Variants in PTPRD observed in about 807,000 individuals in gnomAD.
PTPRD encodes the protein receptor-type tyrosine-protein phosphatase delta.
A neutral mutation model predicts 214.5 loss-of-function variants in PTPRD; 34 were observed. The ratio of observed to expected loss-of-function variants is 0.16; its 90% CI spans 0.12 to 0.21. The LOEUF (loss-of-function observed/expected upper bound fraction) is 0.21, where lower values mean the gene tolerates loss of function less well. Ranked by LOEUF, PTPRD falls within the 10% of genes least tolerant of loss-of-function variation. The pLI is 1.00. For synonymous variants in PTPRD, 1,128 were observed against 845.7 expected (o/e 1.33, Z -5.79); for missense variants, 2,545 against 2,398.7 (o/e 1.06, Z -1.27).
chr9:9,871,740 C>T lies in PTPRD; in HGVS notation c.-368+66767G>A, dbSNP rs964351039. ...CTCTTTGGACCCTAAGATTATCTTC[C>T]GGAAAGGGGCCTGGGAGGAGAAGCT... On this transcript the variant is annotated intron_variant, in intron 5 of 45. Coordinates refer to ENST00000381196, the MANE Select transcript of PTPRD (RefSeq NM_002839.4). 1.4e-4 allele frequency among the ~76,000 whole-genome samples: 18 copies of T among 133,262 alleles called. 1 individual carries two copies. Among genetic ancestry groups the T allele is most frequent in the African/African-American group, 4.3e-4 (15 of 34,694 alleles). The allele number at this position is 133,262 out of a possible 152,430, so 87.4% of individuals were successfully genotyped here.
chr9:8,861,712 A>T (rs1223647224), intron 11 of PTPRD: 1 of 152,206 alleles, frequency 6.6e-6, no homozygotes, highest in Non-Finnish European at 1.5e-5. Flanking sequence ...TATGGAATAA[A>T]TTGTTGCTAA....
At chr9:9,671,324 C>G (rs1453607395) in intron 7 of PTPRD, among the ~76,000 whole-genome samples, 1 of 152,108 alleles carries the variant, frequency 6.6e-6, no homozygotes, top group African/African-American at 2.4e-5. Flanking sequence ...TACCTGTATT[C>G]CCATTGTATC....
chr9:10,344,984 C>G, intron 2 of PTPRD, among the ~76,000 whole-genome samples: 1 of 152,136 alleles, frequency 6.6e-6, no homozygotes, highest in South Asian at 2.1e-4. Context: ...TCCTATTATA[C>G]TATAATAATG....
chr9:9,044,848 A>G (rs1252505413), intron 10 of PTPRD, among the ~76,000 whole-genome samples: 1 of 152,166 alleles, frequency 6.6e-6, no homozygotes, highest in African/African-American at 2.4e-5. Context: ...GAGAGAACCA[A>G]TGAAATAGTT....
intron 10 of PTPRD, among the ~76,000 whole-genome samples, chr9:9,050,763 A>T (rs1376129060): frequency 5.3e-5 from 8 of 152,072 alleles, no homozygotes; most frequent in Non-Finnish European, 1.2e-4. Context: ...TCAAGCACTC[A>T]TTTTATCTTT....
intron 2 of PTPRD, among the ~76,000 whole-genome samples, chr9:10,422,468 T>A (rs569355527): frequency 2.0e-5 from 3 of 151,944 alleles, no homozygotes; most frequent in Non-Finnish European, 4.4e-5. Flanking sequence ...TGGGATCTAA[T>A]TAAACTAAGA....
At position 8,507,355 on chromosome 9, in the gene PTPRD, T is replaced by C. The variant is rs781599124; in HGVS notation, c.1623A>G (p.Ser541=). 6.2e-7 allele frequency: 1 copy of C among 1,614,054 alleles called. No individual in the cohort carries two copies. Among genetic ancestry groups the C allele is most frequent in the Non-Finnish European group, 8.5e-7 (1 of 1,179,892 alleles). ...CCAGTTCATAGTTGGCAATGGTATC[T>C]GAACGTGGAGGTGTCCAAGAGAGCA... The part of the protein sequence containing the change: ...SILLSWTPPR[S]DTIANYELVY... Residue 541 remains serine, a synonymous_variant, in exon 22 of 46, where the codon TCA becomes TCG. Transcript: ENST00000381196.
intron 3 of PTPRD, among the ~76,000 whole-genome samples, chr9:10,288,451 A>G (rs1202131362): frequency 2.0e-5 from 3 of 152,214 alleles, no homozygotes; most frequent in Non-Finnish European, 1.5e-5. Flanking sequence ...TAAAGAAACA[A>G]TACAACTTAG....
chr9:10,477,460 T>C (rs1160935060), intron 2 of PTPRD, among the ~76,000 whole-genome samples: 1 of 152,048 alleles, frequency 6.6e-6, no homozygotes, highest in African/African-American at 2.4e-5. Flanking sequence ...AGAATGGTGA[T>C]CATTAAAAAG....
At chr9:9,728,040 G>C (rs1445683038) in intron 7 of PTPRD, among the ~76,000 whole-genome samples, 1 of 152,136 alleles carries the variant, frequency 6.6e-6, no homozygotes, top group Non-Finnish European at 1.5e-5. Context: ...TACAGTTCTT[G>C]TGGTAGTGAA....
chr9:9,031,790 G>A (rs890350130), intron 10 of PTPRD, among the ~76,000 whole-genome samples: 26 of 151,950 alleles, frequency 1.7e-4, no homozygotes, highest in Admixed American at 1.6e-3. Context: ...GGAGTTAGGT[G>A]AAAGAACAAA....
intron 8 of PTPRD, among the ~76,000 whole-genome samples, chr9:9,539,110 G>A (rs918272224): frequency 2.6e-5 from 4 of 151,868 alleles, no homozygotes; most frequent in African/African-American, 7.2e-5. Context: ...ACAGGGTGAT[G>A]TAATAAAATA....
At chr9:10,003,990 G>A (rs1248710373) in intron 4 of PTPRD, among the ~76,000 whole-genome samples, 1 of 151,746 alleles carries the variant, frequency 6.6e-6, no homozygotes, top group Non-Finnish European at 1.5e-5. Context: ...AAAAAGATTG[G>A]AATTGAGAAA....
intron 4 of PTPRD, among the ~76,000 whole-genome samples, chr9:9,973,351 C>T (rs944385457): frequency 2.0e-5 from 3 of 150,486 alleles, no homozygotes; most frequent in Non-Finnish European, 4.4e-5. Context: ...TTGCGTCTGT[C>T]GTCCCAGCTA....
At chr9:9,402,735 CA>C (rs200899585) in intron 8 of PTPRD, among the ~76,000 whole-genome samples, 22 of 33,968 alleles carry the variant, frequency 6.5e-4, no homozygotes, top group Middle Eastern at 0.017. Flanking sequence ...AAAGACATAT[CA>C]AAAAAAAAGA....
Position 9,742,636 on chromosome 9 carries a change from C to A in PTPRD, c.-325-8065G>T, listed in dbSNP as rs530082042. Among the ~76,000 whole-genome samples the A allele has an allele frequency of 3.3e-5, 5 of 150,156 alleles. No homozygotes were observed. The South Asian group carries it at 1.1e-3, about 32-fold the overall frequency. On this transcript the variant is annotated intron_variant, in intron 6 of 45. Coordinates refer to ENST00000381196, the MANE Select transcript of PTPRD (RefSeq NM_002839.4). ...GAGCCTGAGCCATATTCTTTATCAACCTTAAAAAAAAACCTGGCAGATTTA... is the reference window on the plus strand; with the variant it reads ...GAGCCTGAGCCATATTCTTTATCAAACTTAAAAAAAAACCTGGCAGATTTA...
intron 3 of PTPRD, among the ~76,000 whole-genome samples, chr9:10,067,383 A>T (rs1018648217): frequency 2.0e-5 from 3 of 151,854 alleles, no homozygotes; most frequent in Admixed American, 2.0e-4. Flanking sequence ...ATCAGTTTTA[A>T]AACTGTCATC....
intron 10 of PTPRD, among the ~76,000 whole-genome samples, chr9:9,170,338 A>G (rs915414358): frequency 9.2e-5 from 14 of 152,194 alleles, no homozygotes; most frequent in Non-Finnish European, 1.9e-4. Flanking sequence ...TACTTATGTT[A>G]GATTTCACTG....
At chr9:9,875,496 T>C (rs1181954810) in intron 5 of PTPRD, among the ~76,000 whole-genome samples, 1 of 152,122 alleles carries the variant, frequency 6.6e-6, no homozygotes, top group Non-Finnish European at 1.5e-5. Flanking sequence ...TACACTGCCT[T>C]CTTATTTTAC....
Sources: allele counts gnomAD v4.1 joint callset (sites outside exome capture counted in the v4.1 genomes callset), GRCh38; gene constraint gnomAD v4.1.1; transcripts MANE v1.5; gene names NCBI Gene and HGNC (gene_info 2026-07-23, HGNC 2026-07-21).